EOGT: variants seen among roughly 807,000 people sequenced by gnomAD.
The protein encoded by EOGT is EGF domain specific O-linked N-acetylglucosamine transferase, also known as EGF domain-specific O-linked N-acetylglucosamine transferase.
Under a neutral mutation model 70.5 loss-of-function variants are expected in EOGT, and 55 were observed. The observed-to-expected ratio is 0.78, with a 90% confidence interval of 0.63 to 0.98. The LOEUF (loss-of-function observed/expected upper bound fraction) is 0.98. EOGT is among the 50% of genes least tolerant of loss of function. The probability of loss-of-function intolerance (pLI) is 0.00; values close to 1 mark genes in which losing one functional copy is unlikely to be tolerated. For synonymous variants in EOGT, 246 were observed against 217.1 expected, an observed-to-expected ratio of 1.13 and a Z score of -1.17; for missense variants, 703 against 641.9, an observed-to-expected ratio of 1.10 and a Z score of -1.03.
intron 10 of EOGT, among the ~76,000 whole-genome samples, chr3:68,989,909 C>G (rs967843055): frequency 9.9e-5 from 15 of 151,916 alleles, no homozygotes; most frequent in African/African-American, 3.4e-4. Context: ...CCATATACTC[C>G]AGCCTGGGCA....
rs571967222 is a variant in EOGT at position 69,004,299 on chromosome 3, TGA to T, written c.620+77_620+78del. On this transcript the variant is annotated intron_variant, in intron 8 of 17. Coordinates refer to ENST00000383701, the MANE Select transcript of EOGT (RefSeq NM_001278689.2). ...TACAAATGAAGTAACATTTTCCATT[TGA>T]GAGTCTCCATTAATATCTGCAAGTG... is the stretch of plus-strand genomic sequence containing the variant. 6.2e-3 allele frequency: 6,523 copies of T among 1,057,762 alleles called. 47 individuals carry two copies. The highest frequency in any genetic ancestry group is 7.0e-3 in the Non-Finnish European group (4,911 of 698,830). 65.5% of individuals were successfully genotyped at this position (1,057,762 alleles called of 1,614,324 possible). A position where few individuals can be genotyped will look rare whatever the true frequency, so the allele number is the denominator to read the frequency against.
chr3:68,978,686 G>A (rs533041041), intron 16 of EOGT, among the ~76,000 whole-genome samples: 14 of 112,394 alleles, frequency 1.2e-4, no homozygotes, highest in African/African-American at 4.6e-4. Flanking sequence ...AGGGCCTGCT[G>A]CCTATGGACT....
Position 68,988,562 on chromosome 3 carries a change from C to A in EOGT, c.940G>T (p.Ala314Ser). 1 of 1,531,882 alleles carries A rather than the reference C, an allele frequency of 6.5e-7. No homozygotes were observed. Among genetic ancestry groups the A allele is most frequent in the African/African-American group, 1.4e-5 (1 of 72,920 alleles). The allele number at this position is 1,531,882 out of a possible 1,614,324, so 94.9% of individuals were successfully genotyped here. ...ATGCGGGGGAGTAATGAAAAAACAG[C>A]TTCTTTAAAACATACCTAAGAACAA... Reference protein sequence around the residue: ...YDSKRVCFKEAVFSLLPRMRY... With the variant: ...YDSKRVCFKESVFSLLPRMRY... The change falls in exon 12 of 18, where the codon GCT becomes TCT. Residue 314 changes from alanine to serine, a missense_variant. Physicochemically the swap from Ala to Ser is moderately conservative, Grantham distance 99 (BLOSUM62 1). Coordinates refer to ENST00000383701, the MANE Select transcript of EOGT (RefSeq NM_001278689.2).
intron 14 of EOGT, among the ~76,000 whole-genome samples, chr3:68,984,532 T>A (rs2090748596): frequency 6.6e-6 from 1 of 152,164 alleles, no homozygotes; most frequent in Non-Finnish European, 1.5e-5. Context: ...CATGATTTAA[T>A]GAGGCCATTT....
At chr3:69,013,350 G>T (rs1227848914) in intron 1 of EOGT, among the ~76,000 whole-genome samples, 1 of 151,820 alleles carries the variant, frequency 6.6e-6, no homozygotes, top group Non-Finnish European at 1.5e-5. Flanking sequence ...CGGGCGCTGG[G>T]AAGGGGCCGG....
At chr3:68,977,869 T>C (rs2090516778) in intron 17 of EOGT, 105 bp from the exon 18 acceptor site, 4 of 1,195,772 alleles carry the variant, frequency 3.3e-6, no homozygotes, top group Non-Finnish European at 4.6e-6. Context: ...ATTTATGTTC[T>C]ACATCAGAGA....
chr3:68,979,726 G>T lies in EOGT; in HGVS notation c.1276C>A (p.His426Asn). 6.2e-7 allele frequency: 1 copy of T among 1,613,648 alleles called. No homozygotes were observed. The highest frequency in any genetic ancestry group is 1.7e-5 in the Admixed American group (1 of 59,996). Residue 426 changes from histidine to asparagine, a missense_variant, in exon 16 of 18, where the codon CAT becomes AAT. Transcript: ENST00000383701. ...THNTDIFIGM[H>N]GAGLTHLLFL... ...AGTAAATGGGTCAGACCAGCTCCATGCATTCCAATAAATATGTCCGTGTTG... is the reference window on the plus strand; with the variant it reads ...AGTAAATGGGTCAGACCAGCTCCATTCATTCCAATAAATATGTCCGTGTTG...
chr3:68,982,946 A>AT, intron 14 of EOGT, 74 bp from the exon 15 acceptor site: 16 of 1,172,158 alleles, frequency 1.4e-5, no homozygotes, highest in African/African-American at 3.1e-5. Context: ...GAGTCCTAAA[A>AT]TTTCTTTTTT....
intron 15 of EOGT, among the ~76,000 whole-genome samples, chr3:68,981,401 G>A (rs964784153): frequency 2.0e-5 from 3 of 152,134 alleles, no homozygotes; most frequent in Admixed American, 6.5e-5. Flanking sequence ...CTGAAATTAA[G>A]TGTATCTATA....
intron 16 of EOGT, 64 bp downstream of exon 16, chr3:68,979,604 A>T: frequency 6.5e-7 from 1 of 1,540,714 alleles, no homozygotes; most frequent in Non-Finnish European, 8.8e-7. Context: ...TCAGAATGAA[A>T]GCTTTAGCAT....
chr3:68,989,138 T>A (rs1325994472), intron 10 of EOGT, 121 bp from the exon 11 acceptor site: 5 of 536,078 alleles, frequency 9.3e-6, no homozygotes, highest in Non-Finnish European at 9.6e-6. Context: ...CGCAAGTTCA[T>A]AAAATCCATA....
Position 68,988,948 on chromosome 3 carries a change from A to T in EOGT, c.901T>A (p.Leu301Met). ...ACCCTTTTGGAATCATAAGTTTTCA[A>T]ATGTATAACGTCATAATCAGTAAAT... ...NAFTDYDVIH[L>M]KTYDSKRVCF... The change falls in exon 11 of 18, where the codon TTG becomes ATG. Residue 301 changes from leucine (L) to methionine (M), a missense_variant. Coordinates refer to ENST00000383701, the MANE Select transcript of EOGT (RefSeq NM_001278689.2). 4 of 1,527,966 alleles carry T rather than the reference A, an allele frequency of 2.6e-6. No homozygotes were observed. Among genetic ancestry groups the T allele is most frequent in the Non-Finnish European group, 3.5e-6 (4 of 1,142,544 alleles). 94.7% of individuals were successfully genotyped at this position (1,527,966 alleles called of 1,614,324 possible).
At chr3:68,978,610 T>C (rs1280017409) in intron 16 of EOGT, among the ~76,000 whole-genome samples, 175 bp from the exon 17 acceptor site, 2 of 152,222 alleles carry the variant, frequency 1.3e-5, no homozygotes, top group Non-Finnish European at 2.9e-5. Flanking sequence ...TTCTCTGAAC[T>C]AAATGAACTT....
chr3:68,990,576 ACTC>A (rs1488710044), intron 10 of EOGT, among the ~76,000 whole-genome samples: 1 of 151,622 alleles, frequency 6.6e-6, no homozygotes, highest in Non-Finnish European at 1.5e-5. Context: ...CTGGTCTCAA[ACTC>A]CTGAGCTCAA....
intron 10 of EOGT, among the ~76,000 whole-genome samples, chr3:68,994,068 A>G (rs1426587242): frequency 1.3e-5 from 2 of 152,220 alleles, no homozygotes; most frequent in Non-Finnish European, 2.9e-5. Context: ...TTGTCTCTAC[A>G]GAAAATAAAT....
At position 69,004,413 on chromosome 3, in the gene EOGT, C is replaced by T. The variant is rs761982280; in HGVS notation, c.585G>A (p.Thr195=). ...GAGGGCTTTTGCGCTGACCTTCAGA[C>T]GTCAATGTACGGATGTCAAGTTTAC... is the stretch of plus-strand genomic sequence containing the variant. The part of the protein sequence containing the change: ...GHCKLDIRTL[T]SEGQRKSPLQ... Residue 195 remains threonine, a synonymous_variant, in exon 8 of 18, where the codon ACG becomes ACA. Coordinates refer to ENST00000383701, the MANE Select transcript of EOGT (RefSeq NM_001278689.2). The T allele has an allele frequency of 2.6e-5, 42 of 1,613,962 alleles. No homozygotes were observed. Among genetic ancestry groups the T allele is most frequent in the African/African-American group, 5.3e-5 (4 of 74,922 alleles).
intron 9 of EOGT, among the ~76,000 whole-genome samples, chr3:68,999,246 T>C (rs1042993551): frequency 3.3e-5 from 5 of 152,218 alleles, no homozygotes; most frequent in Non-Finnish European, 5.9e-5. Flanking sequence ...TAGGAAGACC[T>C]GAATGAAGAC....
At chr3:69,006,424 T>G (rs951822229) in intron 6 of EOGT, among the ~76,000 whole-genome samples, 1 of 152,214 alleles carries the variant, frequency 6.6e-6, no homozygotes, top group Admixed American at 6.5e-5. Flanking sequence ...AAAAATTTTT[T>G]TAGTTCTCCA....
chr3:69,002,038 A>T (rs974848555), intron 8 of EOGT, among the ~76,000 whole-genome samples: 3 of 152,196 alleles, frequency 2.0e-5, no homozygotes, highest in African/African-American at 4.8e-5. Flanking sequence ...AAAAATACAA[A>T]AATTAGCTGG....
Sources: allele counts gnomAD v4.1 joint callset (sites outside exome capture counted in the v4.1 genomes callset), GRCh38; gene constraint gnomAD v4.1.1; transcripts MANE v1.5; gene names NCBI Gene and HGNC (gene_info 2026-07-23, HGNC 2026-07-21).